DPP6: variants seen among roughly 807,000 people sequenced by gnomAD.
DPP6 encodes dipeptidyl peptidase like 6.
In DPP6, 69 loss-of-function variants were observed where a neutral mutation model predicts 122.6. That is an observed-to-expected ratio of 0.56 (90% CI 0.46 to 0.69). DPP6 has a LOEUF of 0.69. Among genes scored for constraint, DPP6 ranks in the 30% least tolerant of loss-of-function variants. The pLI is 0.00. For synonymous variants in DPP6, 418 were observed against 433.1 expected, an observed-to-expected ratio of 0.97 and a Z score of 0.43; for missense variants, 928 against 1,116.9, an observed-to-expected ratio of 0.83 and a Z score of 2.41.
chr7:154,056,980 C>G (rs1800880114), intron 1 of DPP6, among the ~76,000 whole-genome samples: 1 of 152,196 alleles, frequency 6.6e-6, no homozygotes, highest in Non-Finnish European at 1.5e-5. Flanking sequence ...ACTCTCATCA[C>G]CAATAGGACC....
chr7:154,215,351 G>T (rs531094020), intron 1 of DPP6, among the ~76,000 whole-genome samples: 7 of 152,094 alleles, frequency 4.6e-5, no homozygotes, highest in Non-Finnish European at 1.0e-4. Flanking sequence ...CCACAGGTGG[G>T]GATTACAATT....
intron 1 of DPP6, among the ~76,000 whole-genome samples, chr7:154,175,929 C>CT: frequency 6.6e-6 from 1 of 152,094 alleles, no homozygotes; most frequent in East Asian, 1.9e-4. Flanking sequence ...CTCAAGTGAC[C>CT]CACCCACCTC....
At chr7:154,215,165 C>T (rs1192699621) in intron 1 of DPP6, among the ~76,000 whole-genome samples, 2 of 151,950 alleles carry the variant, frequency 1.3e-5, no homozygotes, top group African/African-American at 2.4e-5. Flanking sequence ...ACAGTGATGG[C>T]GGAAGGTGGA....
intron 1 of DPP6, among the ~76,000 whole-genome samples, chr7:154,337,919 C>T (rs907775755): frequency 2.6e-5 from 4 of 152,166 alleles, no homozygotes; most frequent in African/African-American, 9.7e-5. Flanking sequence ...TACCTTCTTG[C>T]GCGTAAGCCT....
rs541970581 is a variant in DPP6 at position 154,052,746 on chromosome 7, G to C, written c.-75G>C. Reference sequence around the variant, plus strand: ...TTTTTTTTTTTTTAATCTGGAGCGGGGTGGGGAGTGGGAACCGGAGAGAAA... The same window carrying C: ...TTTTTTTTTTTTTAATCTGGAGCGGCGTGGGGAGTGGGAACCGGAGAGAAA... On this transcript the variant is annotated 5_prime_UTR_variant, in exon 1 of 26. Transcript: ENST00000377770. This position sits in a 1 kb window ranked among gnomAD's most constrained non-coding sequence, Gnocchi z 4.8. The C allele has an allele frequency of 2.3e-4, 308 of 1,364,670 alleles. 4 individuals carry two copies. The East Asian group carries it at 0.011, about 50-fold the overall frequency. The allele number at this position is 1,364,670 out of a possible 1,614,324, so 84.5% of individuals were successfully genotyped here. A position where few individuals can be genotyped will look rare whatever the true frequency, so the allele number is the denominator to read the frequency against.
chr7:153,865,644 G>A, the DPP6 span, among the ~76,000 whole-genome samples: 1 of 151,988 alleles, frequency 6.6e-6, no homozygotes, highest in Non-Finnish European at 1.5e-5. Flanking sequence ...CAAAAATAGT[G>A]TATTTTTTAA....
At chr7:154,262,815 A>C (rs1451503759) in intron 1 of DPP6, among the ~76,000 whole-genome samples, 1 of 152,144 alleles carries the variant, frequency 6.6e-6, no homozygotes. Flanking sequence ...TTTGTGGCCC[A>C]GCTGAGGATA....
intron 2 of DPP6, among the ~76,000 whole-genome samples, chr7:154,456,344 T>C (rs1421057443): frequency 6.6e-6 from 1 of 152,216 alleles, no homozygotes; most frequent in Non-Finnish European, 1.5e-5. Flanking sequence ...TGCATTTAAG[T>C]ATGGTATTAA....
At chr7:154,714,863 C>A (rs1389966924) in intron 7 of DPP6, among the ~76,000 whole-genome samples, 1 of 152,022 alleles carries the variant, frequency 6.6e-6, no homozygotes, top group Non-Finnish European at 1.5e-5. Flanking sequence ...AGGGGGCTTG[C>A]CCAAGGTAGA....
In DPP6 at chr7:154,749,863, G is replaced by GA. The variant is rs544869463; in HGVS notation, c.884-19554_884-19553insA. 3.9e-5 allele frequency among the ~76,000 whole-genome samples: 5 copies of GA among 127,456 alleles called. No individual in the cohort carries two copies. In the South Asian group the frequency reaches 8.6e-4, roughly 22 times the overall value. The allele number at this position is 127,456 out of a possible 152,430, so 83.6% of individuals were successfully genotyped here. The stretch of plus-strand genomic sequence containing the variant: ...GCATAGGACGGGAAAGAGAGGGATG[G>GA]GGCATTACTGAGAGAGGGTGAGAGA... On this transcript the variant is annotated intron_variant, in intron 8 of 25. Coordinates refer to ENST00000377770, the MANE Select transcript of DPP6 (RefSeq NM_130797.4).
At chr7:154,775,771 G>A (rs907123123) in intron 10 of DPP6, among the ~76,000 whole-genome samples, 4 of 152,134 alleles carry the variant, frequency 2.6e-5, no homozygotes, top group Non-Finnish European at 5.9e-5. Flanking sequence ...GATCCCACCT[G>A]CCTCTTTACC....
chr7:153,837,964 A>G, the DPP6 span, among the ~76,000 whole-genome samples: 5 of 149,966 alleles, frequency 3.3e-5, no homozygotes, highest in Admixed American at 6.7e-5. Context: ...GTGAGCCACC[A>G]TACCTCTTTG....
intron 1 of DPP6, among the ~76,000 whole-genome samples, chr7:154,035,495 G>T (rs555193518): frequency 6.6e-6 from 1 of 152,068 alleles, no homozygotes; most frequent in South Asian, 2.1e-4. Context: ...TTTCAGTCCC[G>T]CCTCACTTCA....
chr7:154,475,173 A>G, intron 3 of DPP6, 136 bp downstream of exon 3: 1 of 712,594 alleles, frequency 1.4e-6, no homozygotes, highest in Non-Finnish European at 2.6e-6. Context: ...CTTTTGCTGT[A>G]GTCATCATCA....
At chr7:154,591,313 C>G (rs1008849141) in intron 5 of DPP6, among the ~76,000 whole-genome samples, 1 of 152,126 alleles carries the variant, frequency 6.6e-6, no homozygotes, top group East Asian at 1.9e-4. Flanking sequence ...AAGACGGAGT[C>G]AAATCATGGG....
At position 153,887,766 on chromosome 7, in the gene DPP6, CG is replaced by C. The variant is rs761086513; in HGVS notation, c.51+38del. On this transcript the variant is annotated intron_variant, in intron 1 of 25. Transcript: ENST00000404039. ...GCCACGGACAGGGCGCGCGCTGGGT[CG>C]GGGGGACCCACCGTGAGGAGCGATG... 8.1e-6 allele frequency: 13 copies of C among 1,607,648 alleles called. No homozygotes were observed. The Admixed American group carries it at 1.7e-4, about 21-fold the overall frequency.
At chr7:153,766,285 A>G in the DPP6 span, among the ~76,000 whole-genome samples, 3 of 152,188 alleles carry the variant, frequency 2.0e-5, no homozygotes, top group African/African-American at 7.2e-5. Context: ...CAGCTGTGCT[A>G]TCGACTTTTG....
the DPP6 span, among the ~76,000 whole-genome samples, chr7:153,872,498 T>A: frequency 6.6e-6 from 1 of 152,218 alleles, no homozygotes; most frequent in Non-Finnish European, 1.5e-5. Context: ...CCAGAAGAAT[T>A]CTCATTGATG....
At chr7:154,502,425 G>A (rs953025425) in intron 3 of DPP6, among the ~76,000 whole-genome samples, 16 of 152,152 alleles carry the variant, frequency 1.1e-4, no homozygotes, top group African/African-American at 3.9e-4. Flanking sequence ...TGTCATGGGA[G>A]GAACTTAGTG....
Sources: gnomAD v4.1 joint callset for allele counts (sites outside exome capture counted in the v4.1 genomes callset) on GRCh38, gnomAD v4.1.1 for gene constraint, Gnocchi (gnomAD v3.1) non-coding constraint, MANE v1.5 for transcripts, NCBI Gene and HGNC (gene_info 2026-07-23, HGNC 2026-07-21) for gene names.